C1orf141: variants seen among roughly 807,000 people sequenced by gnomAD.
C1orf141 encodes chromosome 1 open reading frame 141.
A neutral mutation model predicts 23.2 loss-of-function variants in C1orf141; 19 were observed. The ratio of observed to expected loss-of-function variants is 0.82; its 90% confidence interval spans 0.57 to 1.20. The LOEUF (loss-of-function observed/expected upper bound fraction) is 1.20, where lower values mean the gene tolerates loss of function less well. C1orf141 is among the 50% of genes most tolerant of loss of function. The probability of loss-of-function intolerance (pLI) is 0.00; values close to 1 mark genes in which losing one functional copy is unlikely to be tolerated. For missense variants in C1orf141, 469 were observed against 455.1 expected (o/e 1.03, Z -0.28); for synonymous variants, 153 against 154.6 (o/e 0.99, Z 0.08).
chr1:67,107,171 C>T (rs973790661), intron 5 of C1orf141, among the ~76,000 whole-genome samples: 10 of 152,156 alleles, frequency 6.6e-5, no homozygotes, highest in African/African-American at 2.4e-4. Flanking sequence ...TCTAAGTAGA[C>T]TGTGACAAGT....
chr1:67,118,637 C>T (rs1373409761), intron 4 of C1orf141, among the ~76,000 whole-genome samples: 2 of 152,152 alleles, frequency 1.3e-5, no homozygotes, highest in Non-Finnish European at 2.9e-5. Flanking sequence ...AATGCTGAAG[C>T]TTAAATCTCT....
chr1:67,133,626 A>G (rs1275218803), intron 1 of C1orf141, among the ~76,000 whole-genome samples: 1 of 152,220 alleles, frequency 6.6e-6, no homozygotes, highest in Non-Finnish European at 1.5e-5. Context: ...TTGGACATAC[A>G]GCATTTAAAG....
At chr1:67,109,993 T>C (rs1160240514) in intron 5 of C1orf141, among the ~76,000 whole-genome samples, 1 of 152,128 alleles carries the variant, frequency 6.6e-6, no homozygotes, top group African/African-American at 2.4e-5. Flanking sequence ...CACATTACTT[T>C]GTTCGGTAAT....
chr1:67,101,216 C>T (rs534251149), intron 5 of C1orf141, among the ~76,000 whole-genome samples: 3 of 152,208 alleles, frequency 2.0e-5, no homozygotes, highest in African/African-American at 7.2e-5. Context: ...AGTCCCTGCT[C>T]CTTCAAGTTA....
intron 5 of C1orf141, among the ~76,000 whole-genome samples, chr1:67,107,805 G>A (rs10749769): frequency 0.78 from 118,839 of 151,866 alleles, 46,876 homozygotes; most frequent in East Asian, 0.91. Flanking sequence ...CAGGAGAATC[G>A]CTTGAACCCA....
intron 5 of C1orf141, among the ~76,000 whole-genome samples, chr1:67,103,560 G>A (rs1293634294): frequency 6.6e-6 from 1 of 151,932 alleles, no homozygotes; most frequent in African/African-American, 2.4e-5. Context: ...AACCTACTAT[G>A]AGATGGGCAT....
chr1:67,101,284 A>C (rs1570683432), intron 5 of C1orf141, among the ~76,000 whole-genome samples: 1 of 152,158 alleles, frequency 6.6e-6, no homozygotes, highest in Non-Finnish European at 1.5e-5. Flanking sequence ...GCCAGAGAAA[A>C]AAAGTGACAA....
In C1orf141 at chr1:67,093,235, T is replaced by A; in HGVS notation, c.973A>T (p.Thr325Ser). ...YNFSQNFSSL[T>S]KQFVGYLDKA... ...TCAAGGTAACCCACAAATTGTTTTG[T>A]TAGGCTAGAAAAATTCTGTGAGAAA... The change falls in exon 8 of 8, where the codon ACA (threonine) becomes TCA (serine). Residue 325 changes from threonine to serine, a missense_variant. Around this residue, in one of 3 missense-constraint regions of C1orf141, gnomAD observed 370 missense variants for 348.1 expected, o/e 1.06. Coordinates refer to ENST00000684719, the MANE Select transcript of C1orf141 (RefSeq NM_001276351.2). 1 of 1,613,946 alleles carries A rather than the reference T, an allele frequency of 6.2e-7. No homozygotes were observed. Among genetic ancestry groups the A allele is most frequent in the Non-Finnish European group, 8.5e-7 (1 of 1,179,856 alleles).
At chr1:67,096,357 G>T (rs1645681690) in intron 5 of C1orf141, 36 bp from the exon 6 acceptor site, 2 of 1,034,050 alleles carry the variant, frequency 1.9e-6, no homozygotes, top group Non-Finnish European at 2.9e-6. Context: ...AAGACACATA[G>T]ATATTCTGAC....
intron 4 of C1orf141, among the ~76,000 whole-genome samples, chr1:67,116,706 G>A (rs948823081): frequency 3.3e-5 from 5 of 151,894 alleles, no homozygotes; most frequent in African/African-American, 1.2e-4. Context: ...CCACATGAAC[G>A]CTGAGCAAAT....
chr1:67,126,752 G>A (rs537126922), intron 3 of C1orf141, among the ~76,000 whole-genome samples: 1 of 152,268 alleles, frequency 6.6e-6, no homozygotes, highest in East Asian at 1.9e-4. Context: ...ATTGGATTGG[G>A]GGAACTCAAA....
intron 2 of C1orf141, among the ~76,000 whole-genome samples, chr1:67,128,882 T>A (rs892622151): frequency 5.3e-5 from 8 of 152,112 alleles, no homozygotes; most frequent in Non-Finnish European, 1.5e-5. Flanking sequence ...CTCAGAAAAA[T>A]CTCTGATATT....
intron 4 of C1orf141, among the ~76,000 whole-genome samples, chr1:67,124,179 A>G (rs1646357967): frequency 6.6e-6 from 1 of 152,164 alleles, no homozygotes; most frequent in African/African-American, 2.4e-5. Flanking sequence ...AGTTTGTTTC[A>G]CTCTGAGCAA....
chr1:67,102,307 CGTGTGTGTGT>C (rs57508145), intron 5 of C1orf141, among the ~76,000 whole-genome samples: 42 of 139,682 alleles, frequency 3.0e-4, no homozygotes, highest in Admixed American at 6.5e-4. Context: ...TCTTCTGCTC[CGTGTGTGTGT>C]GTGTGTGTGT....
At chr1:67,130,768 G>C (rs1435707004) in intron 2 of C1orf141, among the ~76,000 whole-genome samples, 1 of 152,118 alleles carries the variant, frequency 6.6e-6, no homozygotes, top group Non-Finnish European at 1.5e-5. Flanking sequence ...AAATTTGCCG[G>C]TTAATGAAAT....
At chr1:67,123,219 A>AT (rs1179936847) in intron 4 of C1orf141, 1 of 9,292 alleles carries the variant, frequency 1.1e-4, no homozygotes, top group African/African-American at 5.9e-4. Context: ...AAAAAAAAAT[A>AT]AATAAAAATA....
At chr1:67,113,039 G>T (rs185202189) in intron 5 of C1orf141, among the ~76,000 whole-genome samples, 1 of 152,328 alleles carries the variant, frequency 6.6e-6, no homozygotes. Flanking sequence ...GAGTGCAGTG[G>T]CACCATCTCA....
chr1:67,096,937 C>A (rs1645694124), intron 5 of C1orf141, among the ~76,000 whole-genome samples: 1 of 152,208 alleles, frequency 6.6e-6, no homozygotes, highest in African/African-American at 2.4e-5. Flanking sequence ...CAGGCTACCA[C>A]AGGGCCAACT....
upstream of C1orf141, chr1:67,139,083 G>A (rs1433222890): frequency 6.6e-6 from 1 of 152,324 alleles, no homozygotes; most frequent in African/African-American, 2.4e-5. Context: ...AGCTGGACCT[G>A]GGCAGTATCA....
Sources: gnomAD v4.1 joint callset for allele counts (sites outside exome capture counted in the v4.1 genomes callset) on GRCh38, gnomAD v4.1.1 for gene constraint, gnomAD v4.1.1 regional missense constraint, MANE v1.5 for transcripts, NCBI Gene and HGNC (gene_info 2026-07-23, HGNC 2026-07-21) for gene names.